Variants in MTHFD2L observed in about 807,000 individuals in gnomAD.
The protein encoded by MTHFD2L is methylenetetrahydrofolate dehydrogenase (NADP+ dependent) 2 like, also known as bifunctional methylenetetrahydrofolate dehydrogenase/cyclohydrolase 2, mitochondrial.
Under a neutral mutation model 34.9 loss-of-function variants are expected in MTHFD2L, and 29 were observed. That is an observed-to-expected ratio of 0.83 (90% confidence interval 0.62 to 1.13). MTHFD2L has a LOEUF of 1.13. Among genes scored for constraint, MTHFD2L ranks in the 50% most tolerant of loss-of-function variants. The pLI is 0.00. For missense variants in MTHFD2L, 481 were observed against 446.5 expected, an observed-to-expected ratio of 1.08 and a Z score of -0.70; for synonymous variants, 167 against 155.7, an observed-to-expected ratio of 1.07 and a Z score of -0.54.
intron 5 of MTHFD2L, among the ~76,000 whole-genome samples, 173 bp downstream of exon 5, chr4:74,201,543 C>T (rs777971724): frequency 3.4e-5 from 5 of 147,734 alleles, no homozygotes; most frequent in Non-Finnish European, 7.4e-5. Flanking sequence ...GTAGGAATTA[C>T]TGAAAATATG....
At chr4:74,130,976 C>T (rs1644800409) in intron 1 of MTHFD2L, among the ~76,000 whole-genome samples, 1 of 152,076 alleles carries the variant, frequency 6.6e-6, no homozygotes, top group Non-Finnish European at 1.5e-5. Context: ...CCTGAGTGAA[C>T]TCCCATTCAC....
At chr4:74,171,017 T>C (rs1458929153) in intron 1 of MTHFD2L, among the ~76,000 whole-genome samples, 8 of 149,380 alleles carry the variant, frequency 5.4e-5, no homozygotes, top group Admixed American at 4.6e-4. Flanking sequence ...TTAGGAGATA[T>C]ACCTAATGCT....
chr4:74,238,305 G>A (rs140542845), intron 6 of MTHFD2L, among the ~76,000 whole-genome samples: 49 of 152,200 alleles, frequency 3.2e-4, no homozygotes, highest in African/African-American at 1.0e-3. Context: ...TCTGTGGTGC[G>A]TTCTAAGGCA....
intron 7 of MTHFD2L, among the ~76,000 whole-genome samples, chr4:74,297,063 T>G (rs888034486): frequency 6.6e-6 from 1 of 152,066 alleles, no homozygotes; most frequent in Admixed American, 6.6e-5. Flanking sequence ...ACCCTAACAT[T>G]CTTAATTATG....
intron 5 of MTHFD2L, among the ~76,000 whole-genome samples, chr4:74,207,061 A>C (rs916403578): frequency 1.3e-5 from 2 of 151,886 alleles, no homozygotes; most frequent in Admixed American, 1.3e-4. Context: ...CCACACCCAG[A>C]TAATTTTTTG....
intron 6 of MTHFD2L, among the ~76,000 whole-genome samples, chr4:74,239,644 T>C (rs1741407681): frequency 6.6e-6 from 1 of 152,208 alleles, no homozygotes; most frequent in African/African-American, 2.4e-5. Context: ...GTGGGCTTTA[T>C]GATTGTGGTT....
chr4:74,243,210 C>G (rs1287532631), intron 6 of MTHFD2L, among the ~76,000 whole-genome samples: 1 of 152,148 alleles, frequency 6.6e-6, no homozygotes, highest in East Asian at 1.9e-4. Context: ...TTGTAGTTTT[C>G]TTTTACCTGT....
At chr4:74,190,756 A>G (rs189638627) in intron 3 of MTHFD2L, among the ~76,000 whole-genome samples, 25 of 152,334 alleles carry the variant, frequency 1.6e-4, no homozygotes, top group Admixed American at 9.8e-4. Flanking sequence ...CAGTGAACAC[A>G]GTTTCCAAAA....
chr4:74,176,261 T>C (rs1339454898), intron 3 of MTHFD2L, among the ~76,000 whole-genome samples: 1 of 152,068 alleles, frequency 6.6e-6, no homozygotes, highest in Non-Finnish European at 1.5e-5. Flanking sequence ...CTCCTACAAC[T>C]CCATTTACAT....
Position 74,285,582 on chromosome 4 carries a change from CTAT to C in MTHFD2L, c.931+4036_931+4038del, listed in dbSNP as rs1033456545. ...CTAGTAAATAGTAATATTTGTTTTA[CTAT>C]TATCAGTAATATTAATTTTACTACT... On this transcript the variant is annotated intron_variant, in intron 7 of 7. Coordinates refer to ENST00000325278, the MANE Select transcript of MTHFD2L (RefSeq NM_001144978.3). Among the ~76,000 whole-genome samples, 21 of 152,040 alleles carry C rather than the reference CTAT, an allele frequency of 1.4e-4. No homozygotes were observed. In the East Asian group the frequency reaches 3.1e-3, roughly 22 times the overall value.
rs747849568 is a variant in MTHFD2L at position 74,301,680 on chromosome 4, T to G, written c.932-17T>G. The G allele has an allele frequency of 1.0e-4, 151 of 1,472,918 alleles. No homozygotes were observed. The highest frequency in any genetic ancestry group is 1.4e-4 in the Non-Finnish European group (147 of 1,080,290). The allele number at this position is 1,472,918 out of a possible 1,614,324, so 91.2% of individuals were successfully genotyped here. A position where few individuals can be genotyped will look rare whatever the true frequency, so the allele number is the denominator to read the frequency against. ...TTTTAAAATAAAGAATATCTGTTTG[T>G]TTTTTTTCCTCATCAGCTGTTAAAA... On this transcript the variant is annotated splice_polypyrimidine_tract_variant and intron_variant, in intron 7 of 7. Coordinates refer to ENST00000325278, the MANE Select transcript of MTHFD2L (RefSeq NM_001144978.3).
At chr4:74,161,638 G>C (rs920786768) in intron 1 of MTHFD2L, 4 of 152,164 alleles carry the variant, frequency 2.6e-5, no homozygotes, top group African/African-American at 9.7e-5. Context: ...GACTAAAATG[G>C]ATCAGTACAT....
At chr4:74,202,057 C>T (rs1247087831) in intron 5 of MTHFD2L, among the ~76,000 whole-genome samples, 1 of 152,232 alleles carries the variant, frequency 6.6e-6, no homozygotes, top group Non-Finnish European at 1.5e-5. Context: ...CACAGATATT[C>T]TGCTTTACCA....
At chr4:74,241,120 G>A (rs892486793) in intron 6 of MTHFD2L, among the ~76,000 whole-genome samples, 3 of 152,176 alleles carry the variant, frequency 2.0e-5, no homozygotes, top group Admixed American at 2.0e-4. Flanking sequence ...GAAGGAGTGG[G>A]GCAAGAATAT....
At chr4:74,263,377 T>C (rs1433112474) in intron 6 of MTHFD2L, among the ~76,000 whole-genome samples, 1 of 151,874 alleles carries the variant, frequency 6.6e-6, no homozygotes, top group Non-Finnish European at 1.5e-5. Flanking sequence ...AATGTCAACA[T>C]TCTAAAATCT....
intron 6 of MTHFD2L, among the ~76,000 whole-genome samples, chr4:74,240,532 T>TA (rs1741548115): frequency 1.3e-5 from 2 of 152,110 alleles, no homozygotes; most frequent in South Asian, 2.1e-4. Context: ...AATTATATTT[T>TA]AAAAAACATT....
intron 5 of MTHFD2L, among the ~76,000 whole-genome samples, chr4:74,211,597 T>C (rs1273280854): frequency 6.6e-6 from 1 of 152,250 alleles, no homozygotes; most frequent in Non-Finnish European, 1.5e-5. Context: ...AGTATTTTAC[T>C]GAGGACTTTC....
intron 5 of MTHFD2L, among the ~76,000 whole-genome samples, chr4:74,206,705 G>A (rs891961392): frequency 6.6e-6 from 1 of 151,862 alleles, no homozygotes; most frequent in African/African-American, 2.4e-5. Context: ...CTTTCAGAAT[G>A]AAAACTGAAT....
At chr4:74,258,794 A>G (rs1310240559) in intron 6 of MTHFD2L, among the ~76,000 whole-genome samples, 1 of 152,204 alleles carries the variant, frequency 6.6e-6, no homozygotes, top group East Asian at 1.9e-4. Flanking sequence ...TGGCGACAAT[A>G]TGAACATAAG....
Sources: gnomAD v4.1 joint callset for allele counts (sites outside exome capture counted in the v4.1 genomes callset) on GRCh38, gnomAD v4.1.1 for gene constraint, MANE v1.5 for transcripts, NCBI Gene and HGNC (gene_info 2026-07-23, HGNC 2026-07-21) for gene names.